Variants in FAM107B observed in about 807,000 individuals in gnomAD.
FAM107B encodes family with sequence similarity 107 member B, also known as protein FAM107B.
A neutral mutation model predicts 31.5 loss-of-function variants in FAM107B; 21 were observed. The observed-to-expected ratio is 0.67, with a 90% CI of 0.47 to 0.96. The LOEUF is 0.96. Among genes scored for constraint, FAM107B ranks in the 40% least tolerant of loss-of-function variants. The probability of loss-of-function intolerance (pLI) is 0.00; values close to 1 mark genes in which losing one functional copy is unlikely to be tolerated. For synonymous variants in FAM107B, 157 were observed against 141.5 expected (o/e 1.11, Z -0.78); for missense variants, 452 against 377.1 (o/e 1.20, Z -1.64).
In FAM107B at chr10:14,521,987, T is replaced by C. The variant is rs769640912; in HGVS notation, c.686A>G (p.Gln229Arg). 7.1e-5 allele frequency: 115 copies of C among 1,614,002 alleles called. No individual in the cohort carries two copies. Among genetic ancestry groups the C allele is most frequent in the Non-Finnish European group, 9.5e-5 (112 of 1,180,036 alleles). ...GLAPQNKPEL[Q>R]KVMEKRKRDQ... ...TCGTTTTCTTTTTTCCATCACCTTC[T>C]GCAATTCTGGTTTGTTCTGAGGAGC... The change falls in exon 4 of 5, where the codon CAG becomes CGG. Residue 229 changes from glutamine (Q) to arginine (R), a missense_variant. By Grantham distance (43) the Gln-to-Arg change is conservative (BLOSUM62 1). Coordinates refer to ENST00000181796, the MANE Select transcript of FAM107B (RefSeq NM_031453.4).
intron 3 of FAM107B, chr10:14,528,186 T>G (rs887777315): frequency 5.0e-5 from 9 of 181,486 alleles, no homozygotes; most frequent in Non-Finnish European, 6.8e-5. Flanking sequence ...TTTTTTTTTT[T>G]TTTTTTTTTT....
intron 1 of FAM107B, among the ~76,000 whole-genome samples, chr10:14,675,875 C>A (rs1327150279): frequency 6.6e-6 from 1 of 152,148 alleles, no homozygotes; most frequent in Non-Finnish European, 1.5e-5. Flanking sequence ...GCTTCTCCAG[C>A]AGCCCGGTGC....
At chr10:14,670,794 T>C (rs1254224602) in intron 1 of FAM107B, among the ~76,000 whole-genome samples, 1 of 152,218 alleles carries the variant, frequency 6.6e-6, no homozygotes, top group Admixed American at 6.5e-5. Flanking sequence ...ATGCTCTTGG[T>C]TGGAGAGCTT....
intron 2 of FAM107B, chr10:14,604,308 G>C: frequency 1.0e-6 from 1 of 971,304 alleles, no homozygotes; most frequent in Non-Finnish European, 1.2e-6. Context: ...GGCGCCCAGC[G>C]GCCCGACTGC....
At chr10:14,598,512 T>G (rs571538711) in intron 2 of FAM107B, among the ~76,000 whole-genome samples, 4 of 152,102 alleles carry the variant, frequency 2.6e-5, no homozygotes, top group African/African-American at 9.7e-5. Context: ...ACTCATAGAC[T>G]TGAAGAGTGG....
At chr10:14,708,243 A>T (rs550246192) in intron 1 of FAM107B, among the ~76,000 whole-genome samples, 1 of 152,032 alleles carries the variant, frequency 6.6e-6, no homozygotes, top group African/African-American at 2.4e-5. Flanking sequence ...ACACCTGGCT[A>T]ATTTTTTTTT....
At chr10:14,747,039 G>T (rs1832738911) in intron 1 of FAM107B, among the ~76,000 whole-genome samples, 1 of 152,098 alleles carries the variant, frequency 6.6e-6, no homozygotes, top group African/African-American at 2.4e-5. Flanking sequence ...ATTTCAGCAA[G>T]ATAGCCTTTA....
At chr10:14,638,705 T>A (rs1588675678) in intron 2 of FAM107B, among the ~76,000 whole-genome samples, 1 of 152,200 alleles carries the variant, frequency 6.6e-6, no homozygotes, top group Non-Finnish European at 1.5e-5. Flanking sequence ...AGCTCTTTTT[T>A]ATTCCTTACT....
intron 2 of FAM107B, among the ~76,000 whole-genome samples, chr10:14,582,754 T>A (rs949614478): frequency 6.6e-6 from 1 of 152,098 alleles, no homozygotes; most frequent in South Asian, 2.1e-4. Context: ...TATTACTGTA[T>A]AACTCTATGA....
intron 2 of FAM107B, among the ~76,000 whole-genome samples, chr10:14,584,176 C>A (rs1851748455): frequency 6.6e-6 from 1 of 152,214 alleles, no homozygotes; most frequent in Non-Finnish European, 1.5e-5. Context: ...CACTCTGGGT[C>A]TGATCTGGGT....
intron 2 of FAM107B, among the ~76,000 whole-genome samples, chr10:14,620,764 G>A (rs1208466243): frequency 1.3e-5 from 2 of 152,078 alleles, no homozygotes; most frequent in African/African-American, 4.8e-5. Context: ...TCCCACTTAT[G>A]AGTGAGAACA....
chr10:14,765,269 C>G lies in FAM107B; in HGVS notation c.411+8984G>C, dbSNP rs76134438. Among the ~76,000 whole-genome samples, 1,327 of 152,282 alleles carry G rather than the reference C, an allele frequency of 8.7e-3. 84 individuals are homozygous for G. In the East Asian group the frequency reaches 0.16, roughly 19 times the overall value. On this transcript the variant is annotated intron_variant, in intron 1 of 4. Coordinates refer to ENST00000181796, the MANE Select transcript of FAM107B (RefSeq NM_031453.4). ...TCTTAGCTTGGAATATAAGTCGATG[C>G]CTTTCATCTCTGAATTGTCTGAAAA... is the stretch of plus-strand genomic sequence containing the variant.
At chr10:14,576,366 A>C (rs1851465680) in intron 2 of FAM107B, among the ~76,000 whole-genome samples, 1 of 152,190 alleles carries the variant, frequency 6.6e-6, no homozygotes, top group Admixed American at 6.5e-5. Flanking sequence ...GTCTCTACTG[A>C]AAATTCAAAA....
chr10:14,644,843 G>A (rs1853713626), intron 2 of FAM107B, among the ~76,000 whole-genome samples: 1 of 152,156 alleles, frequency 6.6e-6, no homozygotes, highest in Non-Finnish European at 1.5e-5. Context: ...TGCTTCCTCT[G>A]TCCCATCATC....
chr10:14,689,180 G>A (rs1462285961), intron 1 of FAM107B, among the ~76,000 whole-genome samples: 1 of 151,830 alleles, frequency 6.6e-6, no homozygotes, highest in East Asian at 1.9e-4. Context: ...AGGAGTTCGA[G>A]ACCAGCCTGG....
chr10:14,636,383 C>T (rs1283245660), intron 2 of FAM107B, among the ~76,000 whole-genome samples: 1 of 151,660 alleles, frequency 6.6e-6, no homozygotes, highest in Non-Finnish European at 1.5e-5. Context: ...TAAATGTATA[C>T]GTTCTGCCTG....
At chr10:14,566,678 T>C (rs755557192) in intron 2 of FAM107B, among the ~76,000 whole-genome samples, 11 of 152,308 alleles carry the variant, frequency 7.2e-5, no homozygotes, top group Non-Finnish European at 1.3e-4. Flanking sequence ...CAGTAGGTAA[T>C]AGTACAAGGC....
At chr10:14,699,900 G>A (rs1588714490) in intron 1 of FAM107B, among the ~76,000 whole-genome samples, 4 of 152,286 alleles carry the variant, frequency 2.6e-5, no homozygotes, top group Admixed American at 2.6e-4. Context: ...GAGTGCAGGG[G>A]ATAGTGAAGA....
intron 1 of FAM107B, among the ~76,000 whole-genome samples, chr10:14,739,714 T>C (rs569059832): frequency 6.6e-6 from 1 of 152,374 alleles, no homozygotes; most frequent in East Asian, 1.9e-4. Flanking sequence ...ATTCAAGTTC[T>C]ACAACTTGTG....
Sources: allele counts gnomAD v4.1 joint callset (sites outside exome capture counted in the v4.1 genomes callset), GRCh38; gene constraint gnomAD v4.1.1; transcripts MANE v1.5; gene names NCBI Gene and HGNC (gene_info 2026-07-23, HGNC 2026-07-21).